Variants in MAMLD1 observed in about 807,000 individuals in gnomAD.
MAMLD1 encodes the protein mastermind-like domain-containing protein 1.
A neutral mutation model predicts 45.0 loss-of-function variants in MAMLD1; 14 were observed. The ratio of observed to expected loss-of-function variants is 0.31; its 90% confidence interval spans 0.21 to 0.49. The LOEUF is 0.49. MAMLD1 is among the 20% of genes least tolerant of loss of function. The pLI is 0.99. For missense variants in MAMLD1, 543 were observed against 603.6 expected (o/e 0.90, Z 1.05); for synonymous variants, 254 against 247.8 (o/e 1.02, Z -0.24).
At chrX:150,366,854 A>G (rs2031497383) in intron 1 of MAMLD1, among the ~76,000 whole-genome samples, 1 of 110,990 alleles carries the variant, frequency 9.0e-6, no homozygotes, top group African/African-American at 3.3e-5. Context: ...GGCAGGAAAA[A>G]AGAAAGAAAG....
chrX:150,498,133 C>A (rs1316699412), intron 5 of MAMLD1, among the ~76,000 whole-genome samples: 1 of 111,003 alleles, frequency 9.0e-6, no homozygotes, highest in Non-Finnish European at 1.9e-5. Context: ...AAACACAGGT[C>A]CTGCTGAGCC....
Position 150,512,012 on chromosome X carries a change from G to A in MAMLD1, c.*53G>A. ...TCTCTTTCTGTATGTAGCCGTCCAA[G>A]AACAAGTCACCTCCAAGTGTAGCCG... On this transcript the variant is annotated 3_prime_UTR_variant, in exon 8 of 8. Coordinates refer to ENST00000370401, the MANE Select transcript of MAMLD1 (RefSeq NM_005491.5). 9.2e-7 allele frequency: 1 copy of A among 1,089,319 alleles called. No individual in the cohort carries two copies. Among genetic ancestry groups the A allele is most frequent in the Non-Finnish European group, 1.2e-6 (1 of 837,943 alleles). The allele number at this position is 1,089,319 out of a possible 1,213,427, so 89.8% of individuals were successfully genotyped here.
chrX:150,422,276 G>A (rs1361751894), intron 1 of MAMLD1, among the ~76,000 whole-genome samples: 2 of 112,400 alleles, frequency 1.8e-5, no homozygotes, highest in African/African-American at 6.5e-5. Context: ...CTTTAAGTCC[G>A]GTCTGCTGGG....
intron 1 of MAMLD1, among the ~76,000 whole-genome samples, chrX:150,394,515 T>A (rs2033340574): frequency 9.0e-6 from 1 of 111,303 alleles, no homozygotes; most frequent in African/African-American, 3.3e-5. Flanking sequence ...TTGCACTGAA[T>A]CTATAGATCA....
chrX:150,362,037 C>T (rs1408824351), upstream of MAMLD1, among the ~76,000 whole-genome samples: 1 of 112,372 alleles, frequency 8.9e-6, no homozygotes, highest in Non-Finnish European at 1.9e-5. Context: ...GGGTGGGGGA[C>T]TGGGAAGTGG....
rs782043626 is a variant in MAMLD1, at chrX:150,439,672, C to T, written c.-63-5782C>T. ...TTTAGGGGCCAGGCATGGTGGCTCACGCCTGTAATCCCAGCACTTTGGGAG... is the reference window on the plus strand; with the variant it reads ...TTTAGGGGCCAGGCATGGTGGCTCATGCCTGTAATCCCAGCACTTTGGGAG... On this transcript the variant is annotated intron_variant, in intron 1 of 7. Transcript: ENST00000370401. 7.1e-5 allele frequency among the ~76,000 whole-genome samples: 8 copies of T among 111,942 alleles called. No individual in the cohort carries two copies. The South Asian group carries it at 1.1e-3, about 16-fold the overall frequency.
chrX:150,412,461 A>G (rs2034146679), intron 1 of MAMLD1, among the ~76,000 whole-genome samples: 2 of 110,886 alleles, frequency 1.8e-5, no homozygotes, highest in East Asian at 2.8e-4. Flanking sequence ...TCTACATCTT[A>G]GCTGGCTCTC....
intron 6 of MAMLD1, chrX:150,504,567 G>A: frequency 1.9e-6 from 1 of 515,077 alleles, no homozygotes; most frequent in Non-Finnish European, 2.4e-6. Flanking sequence ...ATCTTGTCCA[G>A]CACAAAGCTG....
intron 2 of MAMLD1, among the ~76,000 whole-genome samples, chrX:150,452,426 T>C (rs1259859053): frequency 3.6e-5 from 4 of 110,166 alleles, no homozygotes; most frequent in Non-Finnish European, 7.6e-5. Flanking sequence ...GCACCTAGGA[T>C]GGTGATGGAA....
chrX:150,445,663 A>T (rs1298815263), intron 2 of MAMLD1, 51 bp downstream of exon 2: 51 of 937,059 alleles, frequency 5.4e-5, no homozygotes, highest in Non-Finnish European at 7.6e-5. Context: ...TTCTAATCTT[A>T]AACTTGAACG....
At chrX:150,411,859 C>A (rs1277347030) in intron 1 of MAMLD1, among the ~76,000 whole-genome samples, 5 of 112,105 alleles carry the variant, frequency 4.5e-5, no homozygotes, top group African/African-American at 1.6e-4. Flanking sequence ...GAACAGCAGG[C>A]AGGCTGCCAG....
chrX:150,503,231 T>C, intron 5 of MAMLD1, 43 bp from the exon 6 acceptor site: 5 of 1,139,710 alleles, frequency 4.4e-6, no homozygotes, highest in South Asian at 3.6e-5. Context: ...CAGAACCATT[T>C]TGTGGCCAAG....
chrX:150,490,865 C>T (rs1430317418), intron 5 of MAMLD1, among the ~76,000 whole-genome samples: 1 of 112,169 alleles, frequency 8.9e-6, no homozygotes, highest in Non-Finnish European at 1.9e-5. Context: ...CCCTGGAATA[C>T]AAGGCTGGTT....
intron 2 of MAMLD1, among the ~76,000 whole-genome samples, chrX:150,446,033 C>A (rs782667068): frequency 5.4e-5 from 6 of 111,741 alleles, no homozygotes; most frequent in African/African-American, 1.9e-4. Context: ...TCTTCCCATT[C>A]AACTTTCTGG....
intron 5 of MAMLD1, among the ~76,000 whole-genome samples, chrX:150,502,224 G>A (rs1170154013): frequency 8.9e-6 from 1 of 112,955 alleles, no homozygotes; most frequent in Non-Finnish European, 1.9e-5. Context: ...ATTGCAATAA[G>A]TTGAAGTGAT....
At chrX:150,376,890 AC>A (rs1364238231) in intron 1 of MAMLD1, among the ~76,000 whole-genome samples, 2 of 105,819 alleles carry the variant, frequency 1.9e-5, no homozygotes, top group African/African-American at 7.0e-5. Flanking sequence ...AAAAAAAAAA[AC>A]AATCCCAAGC....
rs1341185270 is a variant in MAMLD1 at position 150,469,924 on chromosome X, T to C, written c.351T>C (p.Pro117=). ...ELQVPPLTIN[P]SPAAMGVAGQ... Reference sequence around the variant, plus strand: ...AGGTCCCTCCATTGACAATAAATCCTAGCCCTGCGGCTATGGGAGTGGCTG... The same window carrying C: ...AGGTCCCTCCATTGACAATAAATCCCAGCCCTGCGGCTATGGGAGTGGCTG... The change falls in exon 4 of 8, where the codon CCT becomes CCC. Residue 117 remains proline, a synonymous_variant. Transcript: ENST00000370401. 8.3e-6 allele frequency: 10 copies of C among 1,210,110 alleles called. No homozygotes were observed. Among genetic ancestry groups the C allele is most frequent in the South Asian group, 1.8e-5 (1 of 56,823 alleles).
chrX:150,432,971 G>T (rs2035003867), intron 1 of MAMLD1, among the ~76,000 whole-genome samples: 1 of 111,338 alleles, frequency 9.0e-6, no homozygotes, highest in East Asian at 2.8e-4. Context: ...AGTTTGATAG[G>T]AATAATATTG....
intron 5 of MAMLD1, among the ~76,000 whole-genome samples, chrX:150,486,882 G>C (rs782511467): frequency 2.7e-5 from 3 of 112,386 alleles, no homozygotes; most frequent in Non-Finnish European, 5.6e-5. Context: ...CATCCTGCTG[G>C]ACAGCAGTAG....
Sources: allele counts gnomAD v4.1 joint callset (sites outside exome capture counted in the v4.1 genomes callset), GRCh38; gene constraint gnomAD v4.1.1; transcripts MANE v1.5; gene names NCBI Gene and HGNC (gene_info 2026-07-23, HGNC 2026-07-21).